SNX18: variants seen among roughly 807,000 people sequenced by gnomAD.
SNX18 encodes sorting nexin 18.
Under a neutral mutation model 48.7 loss-of-function variants are expected in SNX18, and 35 were observed. The observed-to-expected ratio is 0.72, with a 90% CI of 0.55 to 0.95. SNX18 has a LOEUF of 0.95. SNX18 is among the 40% of genes least tolerant of loss of function. SNX18 has a pLI of 0.00. For missense variants in SNX18, 824 were observed against 871.0 expected (o/e 0.95, Z 0.68); for synonymous variants, 492 against 384.7 (o/e 1.28, Z -3.26).
At chr5:54,556,109 C>G in the SNX18 span, among the ~76,000 whole-genome samples, 1 of 152,094 alleles carries the variant, frequency 6.6e-6, no homozygotes, top group Non-Finnish European at 1.5e-5. Context: ...ATTTTATCAG[C>G]CTCTTATTAG....
At chr5:54,580,078 T>C in the SNX18 span, among the ~76,000 whole-genome samples, 2 of 151,880 alleles carry the variant, frequency 1.3e-5, no homozygotes, top group African/African-American at 4.8e-5. Context: ...AGAGGGTGTG[T>C]GTGTGCATGT....
the SNX18 span, among the ~76,000 whole-genome samples, chr5:54,585,718 C>T: frequency 2.0e-5 from 3 of 151,932 alleles, no homozygotes; most frequent in Non-Finnish European, 2.9e-5. Flanking sequence ...AATACTCCTT[C>T]CCCGGCCGGG....
the SNX18 span, among the ~76,000 whole-genome samples, chr5:54,639,398 T>C: frequency 2.0e-5 from 3 of 152,204 alleles, no homozygotes; most frequent in Non-Finnish European, 2.9e-5. Flanking sequence ...TGGCATATCA[T>C]AGGGGATCAG....
chr5:54,522,168 G>A (rs1762044870), intron 1 of SNX18, among the ~76,000 whole-genome samples: 1 of 152,212 alleles, frequency 6.6e-6, no homozygotes, highest in Non-Finnish European at 1.5e-5. Flanking sequence ...CCTATAACCA[G>A]TGTTTATCAA....
At chr5:54,582,104 G>A in the SNX18 span, among the ~76,000 whole-genome samples, 35,455 of 152,118 alleles carry the variant, frequency 0.23, 4,239 homozygotes, top group East Asian at 0.3. Context: ...CCCTAGAAAC[G>A]AGAAGTGGAG....
chr5:54,538,408 G>A (rs1216940306), intron 1 of SNX18, among the ~76,000 whole-genome samples: 4 of 152,106 alleles, frequency 2.6e-5, no homozygotes, highest in African/African-American at 4.8e-5. Flanking sequence ...CTCTCTGTCT[G>A]TGGATCACTT....
the SNX18 span, among the ~76,000 whole-genome samples, chr5:54,559,031 G>A: frequency 6.6e-6 from 1 of 151,606 alleles, no homozygotes; most frequent in Non-Finnish European, 1.5e-5. Flanking sequence ...AGGTGAAAGA[G>A]CTCTACAAGG....
downstream of SNX18, among the ~76,000 whole-genome samples, chr5:54,550,253 A>G (rs3749710): frequency 0.11 from 17,177 of 152,166 alleles, 1,029 homozygotes; most frequent in South Asian, 0.14. Context: ...CAAAGGACCT[A>G]TGGGGAAAGT....
chr5:54,523,505 A>C (rs775787743), intron 1 of SNX18, among the ~76,000 whole-genome samples: 1 of 152,212 alleles, frequency 6.6e-6, no homozygotes, highest in Non-Finnish European at 1.5e-5. Context: ...AGTTCCTTTA[A>C]GTGAAATGTC....
At chr5:54,565,472 T>C in the SNX18 span, among the ~76,000 whole-genome samples, 2 of 151,744 alleles carry the variant, frequency 1.3e-5, no homozygotes, top group African/African-American at 4.8e-5. Flanking sequence ...ACTGGGGAGG[T>C]TGAGGTGGGA....
At chr5:54,560,004 G>A in the SNX18 span, among the ~76,000 whole-genome samples, 1 of 151,976 alleles carries the variant, frequency 6.6e-6, no homozygotes, top group Non-Finnish European at 1.5e-5. Flanking sequence ...AAACCACAAT[G>A]AGAACTAATT....
At chr5:54,640,359 A>G in the SNX18 span, among the ~76,000 whole-genome samples, 1 of 151,628 alleles carries the variant, frequency 6.6e-6, no homozygotes, top group Non-Finnish European at 1.5e-5. Context: ...GACTACAGGT[A>G]TGTGCCACCA....
At chr5:54,555,188 C>G in the SNX18 span, among the ~76,000 whole-genome samples, 2 of 152,242 alleles carry the variant, frequency 1.3e-5, no homozygotes, top group South Asian at 4.1e-4. Context: ...GCAGCTGTCC[C>G]TGTCCCATCT....
At chr5:54,613,749 A>C in the SNX18 span, among the ~76,000 whole-genome samples, 1 of 152,074 alleles carries the variant, frequency 6.6e-6, no homozygotes, top group Non-Finnish European at 1.5e-5. Context: ...CCCAGGCTGG[A>C]GTACAATGGT....
At chr5:54,536,564 A>G (rs921630575) in intron 1 of SNX18, among the ~76,000 whole-genome samples, 1 of 152,076 alleles carries the variant, frequency 6.6e-6, no homozygotes, top group South Asian at 2.1e-4. Context: ...TGAACTCATC[A>G]TTTTTTATGG....
the SNX18 span, among the ~76,000 whole-genome samples, chr5:54,599,142 G>T: frequency 1.3e-5 from 2 of 152,168 alleles, no homozygotes; most frequent in African/African-American, 4.8e-5. Context: ...TTGCTACAAA[G>T]AGAATTGTAT....
the SNX18 span, among the ~76,000 whole-genome samples, chr5:54,593,859 C>G: frequency 2.1e-4 from 32 of 152,178 alleles, no homozygotes; most frequent in Middle Eastern, 3.2e-3. Context: ...TTTCAGTCTT[C>G]ATCTATTATG....
Position 54,545,590 on chromosome 5 carries a change from A to G in SNX18, c.*2158A>G, listed in dbSNP as rs1248685133. 1.3e-5 allele frequency: 2 copies of G among 152,302 alleles called. No homozygotes were observed. The highest frequency in any genetic ancestry group is 6.5e-5 in the Admixed American group (1 of 15,290). 9.4% of individuals were successfully genotyped at this position (152,302 alleles called of 1,614,324 possible). The stretch of plus-strand genomic sequence containing the variant: ...ATGTAAGTATAAATTCATGCTGCCT[A>G]CTTCTAAGAGAAATTTCATTCTTCA... On this transcript the variant is annotated 3_prime_UTR_variant, in exon 2 of 2. Coordinates refer to ENST00000381410, the MANE Select transcript of SNX18 (RefSeq NM_001102575.2).
the SNX18 span, among the ~76,000 whole-genome samples, chr5:54,612,479 G>T: frequency 6.6e-6 from 1 of 152,028 alleles, no homozygotes; most frequent in African/African-American, 2.4e-5. Flanking sequence ...TGGCCAGGCT[G>T]GTCTCGAACT....
Sources: allele counts gnomAD v4.1 joint callset (sites outside exome capture counted in the v4.1 genomes callset), GRCh38; gene constraint gnomAD v4.1.1; transcripts MANE v1.5; gene names NCBI Gene and HGNC (gene_info 2026-07-23, HGNC 2026-07-21).